The following FAM227A variants were observed in gnomAD, a reference collection of about 807,000 sequenced individuals.
The protein encoded by FAM227A is family with sequence similarity 227 member A.
FAM227A carries 80 observed loss-of-function variants against 74.7 expected under a neutral mutation model. The observed-to-expected ratio is 1.07, with a 90% CI of 0.89 to 1.29. The LOEUF (loss-of-function observed/expected upper bound fraction) is 1.29. FAM227A is among the 50% of genes most tolerant of loss of function. FAM227A has a pLI of 0.00. For missense variants in FAM227A, 654 were observed against 683.4 expected, an observed-to-expected ratio of 0.96 and a Z score of 0.48; for synonymous variants, 237 against 241.8, an observed-to-expected ratio of 0.98 and a Z score of 0.19.
At chr22:38,649,875 A>G in intron 2 of FAM227A, 152 bp downstream of exon 2, 1 of 727,016 alleles carries the variant, frequency 1.4e-6, no homozygotes, top group East Asian at 3.0e-5. Flanking sequence ...CTCAAAAAAA[A>G]AAAAGAAAGA....
chr22:38,597,267 T>C lies in FAM227A; in HGVS notation c.1469A>G (p.His490Arg), dbSNP rs766290056. 6.4e-7 allele frequency: 1 copy of C among 1,552,202 alleles called. No homozygotes were observed. Residue 490 changes from histidine (H) to arginine (R), a missense_variant, in exon 15 of 17, where the codon CAT (histidine) becomes CGT (arginine). Coordinates refer to ENST00000535113, the MANE Select transcript of FAM227A (RefSeq NM_001013647.2). ...RKDNLNQLYQ[H>R]HWTEWNYFDK... is the part of the protein sequence containing the mutation. Reference sequence around the variant, plus strand: ...AAAATAATTCCATTCAGTCCAATGATGCTGGTACAACTGATTGAGGTTGTC... The same window carrying C: ...AAAATAATTCCATTCAGTCCAATGACGCTGGTACAACTGATTGAGGTTGTC...
In FAM227A at chr22:38,642,720, G is replaced by A. The variant is rs546105045; in HGVS notation, c.225+2843C>T. Among the ~76,000 whole-genome samples the A allele has an allele frequency of 1.3e-3, 200 of 152,220 alleles. 2 individuals are homozygous for A. The highest frequency in any genetic ancestry group is 4.7e-3 in the African/African-American group (194 of 41,538). On this transcript the variant is annotated intron_variant, in intron 3 of 16. Coordinates refer to ENST00000535113, the MANE Select transcript of FAM227A (RefSeq NM_001013647.2). ...GGAGGCCAAGGTGAGCGGATCACTTGAGGTCGGGAGTTTGAGACCAGCCTG... is the reference window on the plus strand; with the variant it reads ...GGAGGCCAAGGTGAGCGGATCACTTAAGGTCGGGAGTTTGAGACCAGCCTG...
At chr22:38,604,490 A>G (rs2091242660) in intron 13 of FAM227A, among the ~76,000 whole-genome samples, 1 of 152,068 alleles carries the variant, frequency 6.6e-6, no homozygotes, top group South Asian at 2.1e-4. Flanking sequence ...ATAAACTACC[A>G]TCCACTGAGG....
At chr22:38,635,300 G>T (rs2145642992) in intron 6 of FAM227A, among the ~76,000 whole-genome samples, 2 of 151,850 alleles carry the variant, frequency 1.3e-5, no homozygotes, top group African/African-American at 4.8e-5. Flanking sequence ...AGAGAGATGG[G>T]GTGTGGCTCA....
intron 6 of FAM227A, among the ~76,000 whole-genome samples, chr22:38,635,478 T>A (rs1026649699): frequency 1.3e-5 from 2 of 152,120 alleles, no homozygotes. Context: ...GACCATTTCC[T>A]GGGCTTCCTC....
At chr22:38,627,064 C>A (rs954027043) in intron 8 of FAM227A, among the ~76,000 whole-genome samples, 2 of 150,192 alleles carry the variant, frequency 1.3e-5, no homozygotes, top group African/African-American at 2.4e-5. Flanking sequence ...ACCACCCTGG[C>A]AGCAAAGCCA....
chr22:38,613,317 A>ATC (rs1255530316), intron 11 of FAM227A, among the ~76,000 whole-genome samples: 1 of 83,310 alleles, frequency 1.2e-5, no homozygotes, highest in African/African-American at 5.4e-5. Context: ...TATAACATAT[A>ATC]ATATATATCA....
chr22:38,628,712 G>A, intron 7 of FAM227A, 122 bp downstream of exon 7: 1 of 696,422 alleles, frequency 1.4e-6, no homozygotes, highest in East Asian at 2.7e-5. Context: ...CTGGGTGACA[G>A]GGGAGGCTGT....
chr22:38,627,026 A>G (rs2091824455), intron 8 of FAM227A, among the ~76,000 whole-genome samples: 1 of 149,468 alleles, frequency 6.7e-6, no homozygotes, highest in Admixed American at 6.7e-5. Context: ...AAGCCTAGGA[A>G]TTTGAGGCTA....
At chr22:38,617,153 G>T (rs2091595252) in intron 11 of FAM227A, among the ~76,000 whole-genome samples, 1 of 152,104 alleles carries the variant, frequency 6.6e-6, no homozygotes, top group Non-Finnish European at 1.5e-5. Flanking sequence ...TGAGCTGTGG[G>T]GCCGCACAGT....
chr22:38,628,382 C>T (rs1603010893), intron 7 of FAM227A, 40 bp from the exon 8 acceptor site: 1 of 1,285,364 alleles, frequency 7.8e-7, no homozygotes, highest in African/African-American at 1.5e-5. Flanking sequence ...ACTAAAGTCC[C>T]TTGCTGAAAC....
chr22:38,635,009 G>A (rs2091976024), intron 6 of FAM227A, among the ~76,000 whole-genome samples: 1 of 152,128 alleles, frequency 6.6e-6, no homozygotes, highest in Admixed American at 6.6e-5. Flanking sequence ...CACTTTGGGA[G>A]GCTGAGGCGG....
At chr22:38,631,798 A>G (rs1312841024) in intron 6 of FAM227A, among the ~76,000 whole-genome samples, 2 of 152,202 alleles carry the variant, frequency 1.3e-5, no homozygotes, top group Non-Finnish European at 2.9e-5. Context: ...CATTTTCAAC[A>G]GGGCAGAACA....
chr22:38,629,629 G>A lies in FAM227A; in HGVS notation c.520-694C>T, dbSNP rs115404870. On this transcript the variant is annotated intron_variant, in intron 6 of 16. Transcript: ENST00000535113. ...TACATGGGCCAGGAGGTTCCAAAGC[G>A]AGTAGCCTGGGCCCAGACTCACACA... Among the ~76,000 whole-genome samples, 1,270 of 152,384 alleles carry A rather than the reference G, an allele frequency of 8.3e-3. 21 individuals are homozygous for A. Among genetic ancestry groups the A allele is most frequent in the African/African-American group, 0.029 (1,210 of 41,586 alleles).
chr22:38,583,023 GAA>G lies in FAM227A; in HGVS notation c.*3100_*3101del. 6.7e-7 allele frequency: 1 copy of G among 1,500,106 alleles called. No individual in the cohort carries two copies. Among genetic ancestry groups the G allele is most frequent in the Non-Finnish European group, 9.1e-7 (1 of 1,104,370 alleles). 92.9% of individuals were successfully genotyped at this position (1,500,106 alleles called of 1,614,324 possible). On this transcript the variant is annotated 3_prime_UTR_variant, in exon 17 of 17. Transcript: ENST00000535113. Reference sequence around the variant, plus strand: ...CAACAGACAAAAGATCCAGAAATAGGAAAGTGTGGTTCCTAGAGAAACTGCAA... The same window carrying G: ...CAACAGACAAAAGATCCAGAAATAGGAGTGTGGTTCCTAGAGAAACTGCAA...
chr22:38,635,463 G>C (rs1002721475), intron 6 of FAM227A, among the ~76,000 whole-genome samples: 1 of 152,048 alleles, frequency 6.6e-6, no homozygotes, highest in Non-Finnish European at 1.5e-5. Context: ...CTGTACAGTG[G>C]CCGAGACCAT....
At chr22:38,648,833 C>T (rs1417133249) in intron 2 of FAM227A, among the ~76,000 whole-genome samples, 1 of 151,350 alleles carries the variant, frequency 6.6e-6, no homozygotes, top group Non-Finnish European at 1.5e-5. Flanking sequence ...ATTAGCCAGA[C>T]GTGGTGGTGG....
At chr22:38,621,886 TC>T (rs1378136929) in intron 10 of FAM227A, among the ~76,000 whole-genome samples, 2 of 151,824 alleles carry the variant, frequency 1.3e-5, no homozygotes, top group Non-Finnish European at 2.9e-5. Context: ...CTGGACTGGG[TC>T]CCCCTCCCGC....
intron 3 of FAM227A, among the ~76,000 whole-genome samples, chr22:38,644,114 C>T (rs990702597): frequency 4.9e-5 from 7 of 143,920 alleles, no homozygotes; most frequent in Admixed American, 2.1e-4. Flanking sequence ...CCACTGCACT[C>T]CAGCCTGGAC....
Sources: gnomAD v4.1 joint callset for allele counts (sites outside exome capture counted in the v4.1 genomes callset) on GRCh38, gnomAD v4.1.1 for gene constraint, MANE v1.5 for transcripts, NCBI Gene and HGNC (gene_info 2026-07-23, HGNC 2026-07-21) for gene names.